The following SYT16 variants were observed in gnomAD, a reference collection of about 807,000 sequenced individuals.
The protein encoded by SYT16 is synaptotagmin 16.
A neutral mutation model predicts 61.4 loss-of-function variants in SYT16; 42 were observed. The ratio of observed to expected loss-of-function variants is 0.68; its 90% CI spans 0.53 to 0.89. The LOEUF is 0.89. SYT16 is among the 40% of genes least tolerant of loss of function. The probability of loss-of-function intolerance (pLI) is 0.00; values close to 1 mark genes in which losing one functional copy is unlikely to be tolerated. For synonymous variants in SYT16, 314 were observed against 302.3 expected, an observed-to-expected ratio of 1.04 and a Z score of -0.40; for missense variants, 804 against 807.3, an observed-to-expected ratio of 1.00 and a Z score of 0.05.
chr14:61,973,405 T>A (rs1052902765), intron 2 of SYT16, among the ~76,000 whole-genome samples: 1 of 152,188 alleles, frequency 6.6e-6, no homozygotes, highest in East Asian at 1.9e-4. Context: ...GCATTTTACA[T>A]GCATTGTTAT....
intron 3 of SYT16, among the ~76,000 whole-genome samples, chr14:62,013,045 A>G (rs530028683): frequency 6.6e-6 from 1 of 152,332 alleles, no homozygotes; most frequent in South Asian, 2.1e-4. Context: ...ATCCTTAACT[A>G]TATAGTAGTT....
At chr14:61,865,345 C>G (rs945455855) in intron 1 of SYT16, 17 of 679,154 alleles carry the variant, frequency 2.5e-5, no homozygotes, top group South Asian at 2.4e-4. Flanking sequence ...AGAAGCAGTC[C>G]GGAAAGGGAA....
chr14:61,916,582 G>T (rs1183617197), intron 1 of SYT16, among the ~76,000 whole-genome samples: 1 of 152,060 alleles, frequency 6.6e-6, no homozygotes, highest in East Asian at 1.9e-4. Flanking sequence ...TCATTTCTTT[G>T]TGTTAAGAAC....
intron 1 of SYT16, among the ~76,000 whole-genome samples, chr14:61,938,988 AGCTGG>A (rs1288606601): frequency 6.6e-6 from 1 of 152,272 alleles, no homozygotes; most frequent in Admixed American, 6.5e-5. Flanking sequence ...TACAAAAATT[AGCTGG>A]GCATGGTGGC....
At chr14:62,092,753 A>T (rs2057132466) in intron 7 of SYT16, among the ~76,000 whole-genome samples, 1 of 152,054 alleles carries the variant, frequency 6.6e-6, no homozygotes, top group African/African-American at 2.4e-5. Flanking sequence ...TTATCATTTA[A>T]TGGATATGGA....
intron 1 of SYT16, among the ~76,000 whole-genome samples, chr14:61,827,268 C>A (rs1446950172): frequency 6.6e-6 from 1 of 152,140 alleles, no homozygotes. Context: ...GGAACAGGCA[C>A]CTACAATGAC....
intron 1 of SYT16, among the ~76,000 whole-genome samples, chr14:61,939,984 A>G (rs1245666930): frequency 1.3e-5 from 2 of 152,194 alleles, no homozygotes; most frequent in Non-Finnish European, 2.9e-5. Flanking sequence ...TCTTAGAATT[A>G]GCAGCCTTTC....
intron 3 of SYT16, among the ~76,000 whole-genome samples, chr14:62,059,035 A>C (rs531905011): frequency 2.6e-5 from 4 of 152,164 alleles, no homozygotes; most frequent in African/African-American, 9.7e-5. Context: ...ACACATGGAC[A>C]CATAGAGGGG....
chr14:62,056,488 C>T (rs545607865), intron 3 of SYT16, among the ~76,000 whole-genome samples: 4 of 152,294 alleles, frequency 2.6e-5, no homozygotes, highest in East Asian at 3.9e-4. Flanking sequence ...AAGTCTGGTG[C>T]TATAAAACTC....
intron 4 of SYT16, among the ~76,000 whole-genome samples, chr14:62,071,950 A>C (rs974253327): frequency 6.6e-6 from 1 of 152,146 alleles, no homozygotes; most frequent in South Asian, 2.1e-4. Flanking sequence ...ATTTAGAACC[A>C]TGTTCCAGGC....
At chr14:62,050,715 G>T (rs555610327) in intron 3 of SYT16, among the ~76,000 whole-genome samples, 6 of 152,312 alleles carry the variant, frequency 3.9e-5, no homozygotes, top group South Asian at 4.1e-4. Flanking sequence ...CTGCAGGTCT[G>T]TTGGAGTTTG....
chr14:62,002,995 A>G (rs1284790919), intron 3 of SYT16, among the ~76,000 whole-genome samples: 10 of 152,060 alleles, frequency 6.6e-5, no homozygotes, highest in Non-Finnish European at 1.0e-4. Context: ...CTTACACATT[A>G]TTATGAGAAT....
At chr14:61,874,901 G>C (rs151280018) in intron 1 of SYT16, among the ~76,000 whole-genome samples, 125 of 152,174 alleles carry the variant, frequency 8.2e-4, no homozygotes, top group African/African-American at 3.0e-3. Flanking sequence ...AAATTAAAAG[G>C]AAAAGTAGGG....
chr14:61,888,769 TAA>T (rs35694977), intron 1 of SYT16, among the ~76,000 whole-genome samples: 490 of 104,212 alleles, frequency 4.7e-3, no homozygotes, highest in Non-Finnish European at 6.0e-3. Context: ...CTTCAATTTG[TAA>T]AAAAAAAAAA....
At chr14:62,094,260 A>G (rs1268704654) in intron 7 of SYT16, among the ~76,000 whole-genome samples, 1 of 152,050 alleles carries the variant, frequency 6.6e-6, no homozygotes, top group Non-Finnish European at 1.5e-5. Flanking sequence ...AGCCTTTTAA[A>G]ATCTCTTTCT....
At chr14:62,007,085 T>A (rs1326445546) in intron 3 of SYT16, among the ~76,000 whole-genome samples, 2 of 152,206 alleles carry the variant, frequency 1.3e-5, no homozygotes, top group Non-Finnish European at 2.9e-5. Context: ...TTCAACCCTT[T>A]GCAGATTGAA....
intron 1 of SYT16, among the ~76,000 whole-genome samples, chr14:61,861,073 AC>A (rs1205071335): frequency 6.6e-6 from 1 of 152,194 alleles, no homozygotes; most frequent in African/African-American, 2.4e-5. Context: ...CAAGGAGTGA[AC>A]TAGAAGTATG....
chr14:61,827,626 A>G (rs1289414202), intron 1 of SYT16, among the ~76,000 whole-genome samples: 1 of 152,080 alleles, frequency 6.6e-6, no homozygotes, highest in Non-Finnish European at 1.5e-5. Flanking sequence ...GACAAGACCT[A>G]TTGGTCATGA....
intron 1 of SYT16, among the ~76,000 whole-genome samples, chr14:61,915,909 A>C (rs2049104530): frequency 6.6e-6 from 1 of 152,216 alleles, no homozygotes; most frequent in Non-Finnish European, 1.5e-5. Context: ...GTCTTTGCCA[A>C]AGATGATCTC....
Sources: gnomAD v4.1 joint callset for allele counts (sites outside exome capture counted in the v4.1 genomes callset) on GRCh38, gnomAD v4.1.1 for gene constraint, MANE v1.5 for transcripts, NCBI Gene and HGNC (gene_info 2026-07-23, HGNC 2026-07-21) for gene names.